Variants in ADGRD1 observed in about 807,000 individuals in gnomAD.
ADGRD1 encodes the protein adhesion G protein-coupled receptor D1, also known as G-protein coupled receptor 133.
A neutral mutation model predicts 113.4 loss-of-function variants in ADGRD1; 77 were observed. The observed-to-expected ratio is 0.68, with a 90% CI of 0.57 to 0.82. The LOEUF (loss-of-function observed/expected upper bound fraction) is 0.82, where lower values mean the gene tolerates loss of function less well. Among genes scored for constraint, ADGRD1 ranks in the 40% least tolerant of loss-of-function variants. The pLI is 0.00. For missense variants in ADGRD1, 1,036 were observed against 1,139.1 expected (o/e 0.91, Z 1.30); for synonymous variants, 474 against 475.0 (o/e 1.00, Z 0.03).
intron 13 of ADGRD1, among the ~76,000 whole-genome samples, chr12:131,076,195 G>C (rs981475569): frequency 6.6e-6 from 1 of 152,222 alleles, no homozygotes; most frequent in East Asian, 1.9e-4. Flanking sequence ...CTGTATGCCA[G>C]ATGCCCTCTA....
At chr12:130,992,917 C>T (rs1217458962) in intron 8 of ADGRD1, among the ~76,000 whole-genome samples, 2 of 152,080 alleles carry the variant, frequency 1.3e-5, no homozygotes, top group East Asian at 1.9e-4. Context: ...CGTGGGCTCT[C>T]GTGGACTTGC....
At chr12:131,044,324 T>A (rs1882453242) in intron 13 of ADGRD1, among the ~76,000 whole-genome samples, 1 of 152,112 alleles carries the variant, frequency 6.6e-6, no homozygotes, top group Admixed American at 6.5e-5. Context: ...GGCCACGCTG[T>A]GTCTGCAGAG....
At chr12:131,017,718 C>T (rs1878778874) in intron 13 of ADGRD1, among the ~76,000 whole-genome samples, 1 of 147,478 alleles carries the variant, frequency 6.8e-6, no homozygotes. Context: ...GCTCACACAC[C>T]CAGTACACAT....
At chr12:131,089,940 A>G (rs1569020) in intron 15 of ADGRD1, among the ~76,000 whole-genome samples, 2 of 152,214 alleles carry the variant, frequency 1.3e-5, no homozygotes, top group Non-Finnish European at 1.5e-5. Context: ...ACTAAAGCCC[A>G]GTGTGACTTC....
At position 131,011,074 on chromosome 12, in the gene ADGRD1, TCTGCCCCACCCTGCCCCACCTCACCC is replaced by T. The variant is rs1409812931; in HGVS notation, c.1332-3096_1332-3071del. Among the ~76,000 whole-genome samples the T allele has an allele frequency of 8.2e-5, 12 of 147,010 alleles. No homozygotes were observed. In the South Asian group the frequency reaches 2.0e-3, roughly 24 times the overall value. ...GGGCAGAGGAAGAGCCAGCACAGCC[TCTGCCCCACCCTGCCCCACCTCACCC>T]CTGCCCCACCCTGCCCCACCTCACC... On this transcript the variant is annotated intron_variant, in intron 12 of 24. Transcript: ENST00000261654.
intron 13 of ADGRD1, chr12:131,024,707 C>T (rs1879747491): frequency 6.6e-6 from 1 of 152,252 alleles, no homozygotes; most frequent in Admixed American, 6.5e-5. Flanking sequence ...GTGATGTTCA[C>T]AGCACGATGA....
chr12:131,120,737 G>A, intron 19 of ADGRD1, 110 bp from the exon 20 acceptor site: 1 of 999,204 alleles, frequency 1.0e-6, no homozygotes, highest in Admixed American at 1.7e-5. Flanking sequence ...GACTGCCCCA[G>A]GTGGACCCTG....
chr12:130,964,014 T>TA (rs1377336880), intron 2 of ADGRD1, among the ~76,000 whole-genome samples: 8 of 152,190 alleles, frequency 5.3e-5, no homozygotes, highest in African/African-American at 1.9e-4. Flanking sequence ...TTTTTAAACT[T>TA]ATGAGCAAGG....
At chr12:131,089,013 C>CA (rs1886711531) in intron 15 of ADGRD1, among the ~76,000 whole-genome samples, 1 of 152,172 alleles carries the variant, frequency 6.6e-6, no homozygotes, top group Admixed American at 6.5e-5. Flanking sequence ...CCACCGGTCC[C>CA]AGACCACCCT....
rs1235544174 is a variant in ADGRD1 at position 131,039,044 on chromosome 12, C to T, written c.1473+24704C>T. On this transcript the variant is annotated intron_variant, in intron 13 of 24. Coordinates refer to ENST00000261654, the MANE Select transcript of ADGRD1 (RefSeq NM_198827.5). ...GGCCAAGCTCAGAGGGAACTGCCTG[C>T]GGGAGAGGCCAGGAAACTGCTGAGT... Among the ~76,000 whole-genome samples, 5 of 152,212 alleles carry T rather than the reference C, an allele frequency of 3.3e-5. No individual in the cohort carries two copies. The East Asian group carries it at 5.8e-4, about 18-fold the overall frequency.
At chr12:130,989,363 C>T (rs904525168) in intron 6 of ADGRD1, 1 of 152,272 alleles carries the variant, frequency 6.6e-6, no homozygotes. Context: ...AGAACCAGAA[C>T]TGAACCAGAA....
At chr12:130,995,703 C>G (rs980354061) in intron 8 of ADGRD1, among the ~76,000 whole-genome samples, 8 of 152,084 alleles carry the variant, frequency 5.3e-5, no homozygotes, top group African/African-American at 1.9e-4. Context: ...GGAACATCTC[C>G]CAATTTTAAG....
rs1261468753 is a variant in ADGRD1 at position 131,045,945 on chromosome 12, T to C, written c.1474-30856T>C. On this transcript the variant is annotated intron_variant, in intron 13 of 24. Transcript: ENST00000261654. The stretch of plus-strand genomic sequence containing the variant: ...TTCCTGGTGGTGCTCCCGCCCTGGT[T>C]GGTGCTCCCTCCCTGGTCAGTGTCC... 5.3e-5 allele frequency among the ~76,000 whole-genome samples: 8 copies of C among 151,178 alleles called. No individual in the cohort carries two copies. In the South Asian group the frequency reaches 8.4e-4, roughly 16 times the overall value.
Position 131,108,862 on chromosome 12 carries a change from T to TATGGG in ADGRD1, c.2037_2041dup (p.Gly681AspfsTer7), listed in dbSNP as rs1950290641. 1.2e-6 allele frequency: 2 copies of TATGGG among 1,608,826 alleles called. No individual in the cohort carries two copies. The highest frequency in any genetic ancestry group is 8.5e-7 in the Non-Finnish European group (1 of 1,177,532). On this transcript the variant is annotated frameshift_variant, in exon 18 of 25. Transcript: ENST00000261654. LOFTEE classifies it high-confidence loss of function. ...GGAGGACAGCAAGCACCGTTACTAC[T>TATGGG]ATGGGATGGGATGGGGTAGGTGGGG...
At chr12:130,998,149 C>T (rs1281886262) in intron 8 of ADGRD1, among the ~76,000 whole-genome samples, 5 of 149,362 alleles carry the variant, frequency 3.3e-5, no homozygotes, top group Non-Finnish European at 7.4e-5. Flanking sequence ...GGCTCGGCAT[C>T]AGAGGGAGAC....
chr12:131,063,497 G>A (rs1009837066), intron 13 of ADGRD1, among the ~76,000 whole-genome samples: 31 of 152,158 alleles, frequency 2.0e-4, no homozygotes, highest in African/African-American at 7.2e-4. Context: ...TGCTGTTTCA[G>A]CACTATTTGT....
At chr12:131,038,955 G>A (rs1881830011) in intron 13 of ADGRD1, among the ~76,000 whole-genome samples, 1 of 152,274 alleles carries the variant, frequency 6.6e-6, no homozygotes, top group South Asian at 2.1e-4. Flanking sequence ...TCGAGTGGAG[G>A]AGGGAGCAAG....
At chr12:131,079,984 T>G (rs1374040727) in intron 14 of ADGRD1, among the ~76,000 whole-genome samples, 1 of 152,174 alleles carries the variant, frequency 6.6e-6, no homozygotes, top group African/African-American at 2.4e-5. Context: ...GCTTATCCTC[T>G]TTGTCTTTAA....
chr12:131,018,647 A>G (rs1045773207), intron 13 of ADGRD1, among the ~76,000 whole-genome samples: 1 of 152,246 alleles, frequency 6.6e-6, no homozygotes, highest in African/African-American at 2.4e-5. Context: ...AATAGAAAAG[A>G]GCCCACCTCC....
Sources: gnomAD v4.1 joint callset for allele counts (sites outside exome capture counted in the v4.1 genomes callset) on GRCh38, gnomAD v4.1.1 for gene constraint, MANE v1.5 for transcripts, NCBI Gene and HGNC (gene_info 2026-07-23, HGNC 2026-07-21) for gene names.